The following EPAS1 variants were observed in gnomAD, a reference collection of about 807,000 sequenced individuals.
The protein encoded by EPAS1 is endothelial PAS domain protein 1, also known as endothelial PAS domain-containing protein 1.
A neutral mutation model predicts 87.9 loss-of-function variants in EPAS1; 23 were observed. The observed-to-expected ratio is 0.26, with a 90% CI of 0.19 to 0.37. The LOEUF (loss-of-function observed/expected upper bound fraction) is 0.37, where lower values mean the gene tolerates loss of function less well. Among genes scored for constraint, EPAS1 ranks in the 10% least tolerant of loss-of-function variants. The probability of loss-of-function intolerance (pLI) is 1.00; values close to 1 mark genes in which losing one functional copy is unlikely to be tolerated. For missense variants in EPAS1, 1,138 were observed against 1,120.7 expected (o/e 1.02, Z -0.22); for synonymous variants, 508 against 444.3 (o/e 1.14, Z -1.80).
intron 6 of EPAS1, among the ~76,000 whole-genome samples, chr2:46,363,988 G>C (rs529108691): frequency 1.3e-5 from 2 of 152,210 alleles, no homozygotes; most frequent in African/African-American, 4.8e-5. Context: ...ATCCCTAAGT[G>C]TTATATCTTA....
Position 46,380,852 on chromosome 2 carries a change from C to A in EPAS1, c.2045+135C>A. The A allele has an allele frequency of 6.7e-7, 1 of 1,484,896 alleles. No individual in the cohort carries two copies. Among genetic ancestry groups the A allele is most frequent in the Non-Finnish European group, 9.2e-7 (1 of 1,088,576 alleles). 92.0% of individuals were successfully genotyped at this position (1,484,896 alleles called of 1,614,324 possible). On this transcript the variant is annotated intron_variant, in intron 12 of 15. Transcript: ENST00000263734. This position sits in a 1 kb window ranked among gnomAD's most constrained non-coding sequence, Gnocchi z 4.4. The stretch of plus-strand genomic sequence containing the variant: ...ACCCCATTTAGCCCTTCTCTGAGCT[C>A]AGACTTTGGGGAATCACCTCAAGCC...
At position 46,300,340 on chromosome 2, in the gene EPAS1, G is replaced by A. The variant is rs1682972314; in HGVS notation, c.26+2403G>A. On this transcript the variant is annotated intron_variant, in intron 1 of 15. Transcript: ENST00000263734. This position sits in a 1 kb window ranked among gnomAD's most constrained non-coding sequence, Gnocchi z 4.1. Reference sequence around the variant, plus strand: ...TGTGTTTCTTTGGTTTAGCAGAGCAGTTTCTTCCCCCAAATGCAATATGGG... The same window carrying A: ...TGTGTTTCTTTGGTTTAGCAGAGCAATTTCTTCCCCCAAATGCAATATGGG... Among the ~76,000 whole-genome samples, 1 of 152,182 alleles carries A rather than the reference G, an allele frequency of 6.6e-6. No individual in the cohort carries two copies. The highest frequency in any genetic ancestry group is 1.5e-5 in the Non-Finnish European group (1 of 68,036).
intron 1 of EPAS1, among the ~76,000 whole-genome samples, chr2:46,339,010 C>T (rs963437281): frequency 3.3e-5 from 5 of 152,156 alleles, no homozygotes; most frequent in African/African-American, 7.2e-5. Flanking sequence ...GTAAGCAATA[C>T]CTGATGCCAA....
chr2:46,353,287 A>C (rs1684207440), intron 2 of EPAS1, among the ~76,000 whole-genome samples: 1 of 152,212 alleles, frequency 6.6e-6, no homozygotes, highest in African/African-American at 2.4e-5. Flanking sequence ...ATGTGGTCCT[A>C]TGAGTAGCAG....
rs201022259 is a variant in EPAS1, at chr2:46,297,984, C to T, written c.26+47C>T. Reference sequence around the variant, plus strand: ...TCAGGGGGCCGGTCCGAGGCCAGGGCCGGGCTGCGCGGGGCAGGCGCGACC... The same window carrying T: ...TCAGGGGGCCGGTCCGAGGCCAGGGTCGGGCTGCGCGGGGCAGGCGCGACC... On this transcript the variant is annotated intron_variant, in intron 1 of 15. Coordinates refer to ENST00000263734, the MANE Select transcript of EPAS1 (RefSeq NM_001430.5). 12 of 1,605,526 alleles carry T rather than the reference C, an allele frequency of 7.5e-6. No individual in the cohort carries two copies. The East Asian group carries it at 2.2e-4, about 30-fold the overall frequency.
At chr2:46,338,040 C>G (rs1683831161) in intron 1 of EPAS1, among the ~76,000 whole-genome samples, 1 of 152,166 alleles carries the variant, frequency 6.6e-6, no homozygotes, top group African/African-American at 2.4e-5. Flanking sequence ...GAAGGCTTCA[C>G]CCTCAAGATG....
At chr2:46,308,814 A>G (rs1178980451) in intron 1 of EPAS1, among the ~76,000 whole-genome samples, 1 of 152,230 alleles carries the variant, frequency 6.6e-6, no homozygotes, top group Non-Finnish European at 1.5e-5. Context: ...AAGTTGTGCA[A>G]GAGGGCACTA....
chr2:46,325,375 T>C (rs989913754), intron 1 of EPAS1, among the ~76,000 whole-genome samples: 7 of 152,172 alleles, frequency 4.6e-5, no homozygotes, highest in African/African-American at 1.4e-4. Context: ...ATTCTGCCGA[T>C]GTGGGCATTT....
chr2:46,378,124 C>T lies in EPAS1; in HGVS notation c.1443+37C>T, dbSNP rs775937983. 3 of 1,561,132 alleles carry T rather than the reference C, an allele frequency of 1.9e-6. 1 individual carries two copies. Among genetic ancestry groups the T allele is most frequent in the South Asian group, 2.3e-5 (2 of 85,194 alleles). ...TCTTATGGCGAGGACACAGAGAGGG[C>T]TCCGTATGTATGACTGCTGCCAGAT... is the stretch of plus-strand genomic sequence containing the variant. On this transcript the variant is annotated intron_variant, in intron 10 of 15. Coordinates refer to ENST00000263734, the MANE Select transcript of EPAS1 (RefSeq NM_001430.5).
chr2:46,380,706 C>T lies in EPAS1; in HGVS notation c.2034C>T (p.Thr678=). ...GPPVSPPHVS[T]FKTRSAKGFG... ...CTGTCTCTCCACCCCATGTCTCCAC[C>T]TTCAAGACAAGGTAAGTGGCAGATA... is the stretch of plus-strand genomic sequence containing the variant. The change falls in exon 12 of 16, where the codon ACC becomes ACT. Residue 678 remains threonine (T), a synonymous_variant. Coordinates refer to ENST00000263734, the MANE Select transcript of EPAS1 (RefSeq NM_001430.5). This position sits in a 1 kb window ranked among gnomAD's most constrained non-coding sequence, Gnocchi z 4.4. The T allele has an allele frequency of 6.2e-7, 1 of 1,611,938 alleles. No homozygotes were observed. The highest frequency in any genetic ancestry group is 1.1e-5 in the South Asian group (1 of 91,076).
At position 46,384,790 on chromosome 2, in the gene EPAS1, T is replaced by A; in HGVS notation, c.*130T>A. ...TACAAGATGGACTTACCTGGCAGAC[T>A]TGCCCAGGTCACCAAGCAGTGGCCT... On this transcript the variant is annotated 3_prime_UTR_variant, in exon 16 of 16. Transcript: ENST00000263734. The A allele has an allele frequency of 1.6e-6, 2 of 1,256,430 alleles. No individual in the cohort carries two copies. Among genetic ancestry groups the A allele is most frequent in the Admixed American group, 4.0e-5 (2 of 49,850 alleles). 77.8% of individuals were successfully genotyped at this position (1,256,430 alleles called of 1,614,324 possible).
intron 1 of EPAS1, 142 bp downstream of exon 1, chr2:46,298,079 GGA>G: frequency 9.4e-7 from 1 of 1,063,830 alleles, no homozygotes; most frequent in South Asian, 1.4e-5. Flanking sequence ...GCTGTGAGGG[GGA>G]GAGCATGTGC....
At chr2:46,309,760 A>T (rs1683175422) in intron 1 of EPAS1, among the ~76,000 whole-genome samples, 1 of 152,024 alleles carries the variant, frequency 6.6e-6, no homozygotes, top group African/African-American at 2.4e-5. Context: ...CAGAAAGGAG[A>T]TGAGGACCAG....
At chr2:46,344,559 C>T (rs1176832935) in intron 1 of EPAS1, among the ~76,000 whole-genome samples, 2 of 152,162 alleles carry the variant, frequency 1.3e-5, no homozygotes, top group East Asian at 1.9e-4. Context: ...AGAATACTTG[C>T]AATTCTTTAA....
chr2:46,304,079 C>T lies in EPAS1; in HGVS notation c.26+6142C>T, dbSNP rs185668565. Among the ~76,000 whole-genome samples the T allele has an allele frequency of 2.0e-5, 3 of 152,176 alleles. No individual in the cohort carries two copies. In the South Asian group the frequency reaches 6.2e-4, roughly 31 times the overall value. On this transcript the variant is annotated intron_variant, in intron 1 of 15. Transcript: ENST00000263734. The stretch of plus-strand genomic sequence containing the variant: ...ATGACTGTGAAAACAAATTTATCCT[C>T]AAATGTTCCATCATCCTCAAACAGT...
chr2:46,341,115 C>T (rs374843566), intron 1 of EPAS1, among the ~76,000 whole-genome samples: 6 of 152,200 alleles, frequency 3.9e-5, no homozygotes, highest in African/African-American at 1.4e-4. Flanking sequence ...CAGAATGTAC[C>T]TAGAACACTG....
chr2:46,317,266 G>A (rs1486727020), intron 1 of EPAS1, among the ~76,000 whole-genome samples: 2 of 152,050 alleles, frequency 1.3e-5, no homozygotes, highest in Non-Finnish European at 2.9e-5. Context: ...CTTTTCAGGT[G>A]GTTTTCAATT....
chr2:46,348,678 G>A (rs1163211621), intron 2 of EPAS1, among the ~76,000 whole-genome samples: 1 of 152,194 alleles, frequency 6.6e-6, no homozygotes, highest in East Asian at 1.9e-4. Flanking sequence ...GGGTAATACA[G>A]GTTGAGTATC....
At chr2:46,354,357 G>A (rs1684225792) in intron 2 of EPAS1, among the ~76,000 whole-genome samples, 1 of 152,056 alleles carries the variant, frequency 6.6e-6, no homozygotes, top group African/African-American at 2.4e-5. Context: ...ATCAAGTGAG[G>A]CATATTTTGA....
Sources: allele counts gnomAD v4.1 joint callset (sites outside exome capture counted in the v4.1 genomes callset), GRCh38; gene constraint gnomAD v4.1.1; non-coding constraint Gnocchi (gnomAD v3.1); transcripts MANE v1.5; gene names NCBI Gene and HGNC (gene_info 2026-07-23, HGNC 2026-07-21).